Variants in DLGAP2 observed in about 807,000 individuals in gnomAD.
DLGAP2 encodes DLG associated protein 2, also known as disks large-associated protein 2.
Under a neutral mutation model 100.3 loss-of-function variants are expected in DLGAP2, and 26 were observed. The ratio of observed to expected loss-of-function variants is 0.26; its 90% CI spans 0.19 to 0.36. The LOEUF is 0.36. DLGAP2 is among the 10% of genes least tolerant of loss of function. DLGAP2 has a pLI of 1.00. For missense variants in DLGAP2, 1,858 were observed against 1,453.2 expected (o/e 1.28, Z -4.53); for synonymous variants, 886 against 630.1 (o/e 1.41, Z -6.08).
At position 855,398 on chromosome 8, in the gene DLGAP2, A is replaced by G. The variant is rs150025790; in HGVS notation, c.19-52514A>G. On this transcript the variant is annotated intron_variant, in intron 1 of 14. Coordinates refer to ENST00000637795, the MANE Select transcript of DLGAP2 (RefSeq NM_001346810.2). The stretch of plus-strand genomic sequence containing the variant: ...GGGACCAAAGCTGAGTGTGAGCTGC[A>G]GGAATGTCCGCTGAATGAATGAATG... 6.4e-4 allele frequency among the ~76,000 whole-genome samples: 98 copies of G among 152,290 alleles called. 1 individual carries two copies. Among genetic ancestry groups the G allele is most frequent in the African/African-American group, 1.6e-3 (68 of 41,548 alleles).
intron 2 of DLGAP2, among the ~76,000 whole-genome samples, chr8:1,229,236 C>T (rs948105307): frequency 6.6e-6 from 1 of 150,788 alleles, no homozygotes; most frequent in East Asian, 1.9e-4. Flanking sequence ...CAAGGTGATG[C>T]TGGTTTCATA....
At chr8:1,692,808 C>G (rs539860605) in intron 13 of DLGAP2, among the ~76,000 whole-genome samples, 1 of 151,462 alleles carries the variant, frequency 6.6e-6, no homozygotes, top group African/African-American at 2.4e-5. Context: ...TTGGTTATTC[C>G]TGACAAGCAA....
intron 2 of DLGAP2, among the ~76,000 whole-genome samples, chr8:1,012,097 A>C (rs1332154036): frequency 1.3e-5 from 2 of 151,894 alleles, no homozygotes; most frequent in African/African-American, 4.8e-5. Flanking sequence ...GGAAGACCAG[A>C]CTCTGTTCCC....
chr8:1,172,456 C>G (rs957100985), intron 2 of DLGAP2, among the ~76,000 whole-genome samples: 3 of 152,098 alleles, frequency 2.0e-5, no homozygotes, highest in Non-Finnish European at 4.4e-5. Context: ...GGAAGTTCTC[C>G]TGGATAATAT....
intron 3 of DLGAP2, among the ~76,000 whole-genome samples, chr8:1,273,501 G>A (rs1017972960): frequency 6.6e-6 from 1 of 152,114 alleles, no homozygotes; most frequent in Non-Finnish European, 1.5e-5. Flanking sequence ...CAGGAGTCTC[G>A]AGCTGCGGCA....
intron 4 of DLGAP2, among the ~76,000 whole-genome samples, chr8:1,514,226 A>G (rs573212427): frequency 3.3e-5 from 5 of 152,332 alleles, no homozygotes; most frequent in African/African-American, 1.2e-4. Flanking sequence ...TCTCCAGTAC[A>G]AATGTCCTCT....
chr8:1,007,046 C>T (rs1188177828), intron 2 of DLGAP2, among the ~76,000 whole-genome samples: 1 of 152,036 alleles, frequency 6.6e-6, no homozygotes, highest in Non-Finnish European at 1.5e-5. Context: ...GGTCCTTTAT[C>T]ACGTTGGGGA....
chr8:973,794 C>T (rs1323034859), intron 2 of DLGAP2, among the ~76,000 whole-genome samples: 5 of 151,560 alleles, frequency 3.3e-5, no homozygotes, highest in South Asian at 2.1e-4. Flanking sequence ...ATCCGGAGCG[C>T]GAATCCGGGG....
chr8:1,030,689 G>A (rs1801946878), intron 2 of DLGAP2, among the ~76,000 whole-genome samples: 2 of 152,204 alleles, frequency 1.3e-5, no homozygotes, highest in Admixed American at 6.5e-5. Context: ...TCTTTTGGTT[G>A]CTTTGCAGTT....
At chr8:882,260 C>A (rs560159611) in intron 1 of DLGAP2, among the ~76,000 whole-genome samples, 1 of 151,954 alleles carries the variant, frequency 6.6e-6, no homozygotes, top group South Asian at 2.1e-4. Flanking sequence ...GCCTCTCCTG[C>A]GGGCACCCGT....
Position 1,077,548 on chromosome 8 carries a change from G to T in DLGAP2, c.73+169582G>T, listed in dbSNP as rs60618887. Among the ~76,000 whole-genome samples, 131 of 152,268 alleles carry T rather than the reference G, an allele frequency of 8.6e-4. 1 individual carries two copies. The highest frequency in any genetic ancestry group is 2.6e-3 in the African/African-American group (109 of 41,558). On this transcript the variant is annotated intron_variant, in intron 2 of 14. Transcript: ENST00000637795. ...TTCTGGGCTCCACTGTCTACCAGAG[G>T]TACTTCATAATATCAACTGGTGTGC...
chr8:900,317 C>A (rs960340811), intron 1 of DLGAP2, among the ~76,000 whole-genome samples: 1 of 150,054 alleles, frequency 6.7e-6, no homozygotes, highest in Non-Finnish European at 1.5e-5. Context: ...GCGCCCTCCT[C>A]TTCACGGTGT....
chr8:1,158,980 G>A (rs1284350552), intron 2 of DLGAP2, among the ~76,000 whole-genome samples: 1 of 152,190 alleles, frequency 6.6e-6, no homozygotes, highest in African/African-American at 2.4e-5. Flanking sequence ...AACTTTGTAT[G>A]TTTTTCTCTT....
At chr8:786,764 T>G (rs897851293) in intron 1 of DLGAP2, among the ~76,000 whole-genome samples, 2 of 151,884 alleles carry the variant, frequency 1.3e-5, no homozygotes, top group Non-Finnish European at 2.9e-5. Flanking sequence ...ATTTAAACTT[T>G]TACAAATGGT....
intron 3 of DLGAP2, among the ~76,000 whole-genome samples, chr8:1,387,600 G>C (rs563847694): frequency 6.6e-6 from 1 of 152,306 alleles, no homozygotes; most frequent in East Asian, 1.9e-4. Context: ...GGTGAATTTC[G>C]TGTATGTTCT....
rs143821295 is a variant in DLGAP2, at chr8:1,356,491, G to A, written c.106+97608G>A. On this transcript the variant is annotated intron_variant, in intron 3 of 14. Coordinates refer to ENST00000637795, the MANE Select transcript of DLGAP2 (RefSeq NM_001346810.2). ...TCCAGGGCTGCGGACTCTGGGTCCT[G>A]GTTCTGTCTGTGCTGGTGGCCTGGG... Among the ~76,000 whole-genome samples the A allele has an allele frequency of 1.8e-3, 269 of 152,302 alleles. 1 individual carries two copies. The highest frequency in any genetic ancestry group is 2.8e-3 in the Non-Finnish European group (190 of 68,030).
At chr8:1,234,226 A>C (rs1347195272) in intron 2 of DLGAP2, among the ~76,000 whole-genome samples, 1 of 152,210 alleles carries the variant, frequency 6.6e-6, no homozygotes, top group Non-Finnish European at 1.5e-5. Context: ...TTCTGTAACC[A>C]GTGGCACAAC....
chr8:1,274,889 T>G (rs1244629325), intron 3 of DLGAP2, among the ~76,000 whole-genome samples: 1 of 152,146 alleles, frequency 6.6e-6, no homozygotes, highest in Non-Finnish European at 1.5e-5. Flanking sequence ...TAGCAATTAC[T>G]TTATGAATAT....
intron 12 of DLGAP2, among the ~76,000 whole-genome samples, chr8:1,681,893 A>G (rs1798957630): frequency 6.7e-6 from 1 of 148,590 alleles, no homozygotes; most frequent in South Asian, 2.1e-4. Context: ...CTGCCTTCCC[A>G]GCAGTGATCT....
Sources: gnomAD v4.1 joint callset for allele counts (sites outside exome capture counted in the v4.1 genomes callset) on GRCh38, gnomAD v4.1.1 for gene constraint, MANE v1.5 for transcripts, NCBI Gene and HGNC (gene_info 2026-07-23, HGNC 2026-07-21) for gene names.